The following OPCML variants were observed in gnomAD, a reference collection of about 807,000 sequenced individuals.
OPCML encodes opioid binding protein/cell adhesion molecule like.
OPCML carries 13 observed loss-of-function variants against 37.8 expected under a neutral mutation model. The observed-to-expected ratio is 0.34, with a 90% CI of 0.22 to 0.55. OPCML has a LOEUF of 0.55. Ranked by LOEUF, OPCML falls within the 20% of genes least tolerant of loss-of-function variation. The pLI is 0.91. For missense variants in OPCML, 341 were observed against 435.6 expected (o/e 0.78, Z 1.93); for synonymous variants, 176 against 168.8 (o/e 1.04, Z -0.33).
chr11:132,770,107 A>C (rs2136120566), intron 2 of OPCML, among the ~76,000 whole-genome samples: 1 of 152,308 alleles, frequency 6.6e-6, no homozygotes, highest in African/African-American at 2.4e-5. Context: ...AAAAAAAATA[A>C]GAATTTCAGC....
intron 4 of OPCML, among the ~76,000 whole-genome samples, chr11:132,503,662 A>G (rs1004220070): frequency 1.3e-5 from 2 of 152,210 alleles, no homozygotes; most frequent in African/African-American, 2.4e-5. Context: ...AGAAACTAGC[A>G]TTATAACTAG....
chr11:133,089,039 C>T (rs1380050267), intron 1 of OPCML, among the ~76,000 whole-genome samples: 1 of 152,156 alleles, frequency 6.6e-6, no homozygotes, highest in Non-Finnish European at 1.5e-5. Context: ...CCAAATGTAT[C>T]ACAATGTGAT....
intron 1 of OPCML, among the ~76,000 whole-genome samples, chr11:133,316,744 T>C (rs2136609855): frequency 6.6e-6 from 1 of 152,372 alleles, no homozygotes; most frequent in East Asian, 1.9e-4. Flanking sequence ...TATAAGTATC[T>C]GCATGCATGT....
chr11:133,458,796 T>TGTGTGTGTATATACACATAGATGCAC lies in OPCML; in HGVS notation c.61+73442_61+73467dup, dbSNP rs1248144112. 2.8e-3 allele frequency among the ~76,000 whole-genome samples: 415 copies of TGTGTGTGTATATACACATAGATGCAC among 146,362 alleles called. 1 individual carries two copies. Among genetic ancestry groups the TGTGTGTGTATATACACATAGATGCAC allele is most frequent in the Non-Finnish European group, 4.4e-3 (292 of 66,134 alleles). On this transcript the variant is annotated intron_variant, in intron 1 of 7. Coordinates refer to ENST00000524381, the MANE Select transcript of OPCML (RefSeq NM_001012393.5). Reference sequence around the variant, plus strand: ...GTGTGTATATACACATAGATGCACGTGTGTGTGTATATACACATAGATGCA... The same window carrying TGTGTGTGTATATACACATAGATGCAC: ...GTGTGTATATACACATAGATGCACGTGTGTGTGTATATACACATAGATGCACGTGTGTGTATATACACATAGATGCA...
In OPCML at chr11:132,893,511, G is replaced by A. The variant is rs146101835; in HGVS notation, c.146+49415C>T. On this transcript the variant is annotated intron_variant, in intron 2 of 7. Coordinates refer to ENST00000524381, the MANE Select transcript of OPCML (RefSeq NM_001012393.5). ...GTAGTTAGTTCCTCCATCTAGTCTA[G>A]AGGTGAGAAAAAAGTCTGTTCCACA... Among the ~76,000 whole-genome samples the A allele has an allele frequency of 1.4e-3, 215 of 152,266 alleles. 2 individuals are homozygous for A. Among genetic ancestry groups the A allele is most frequent in the African/African-American group, 4.7e-3 (196 of 41,546 alleles).
At chr11:132,431,169 A>C (rs900755015) in intron 7 of OPCML, among the ~76,000 whole-genome samples, 5 of 152,242 alleles carry the variant, frequency 3.3e-5, no homozygotes, top group African/African-American at 9.6e-5. Context: ...GCTACTGTGC[A>C]AAGATTGTCC....
At chr11:132,790,238 G>T (rs774306612) in intron 2 of OPCML, among the ~76,000 whole-genome samples, 1 of 152,128 alleles carries the variant, frequency 6.6e-6, no homozygotes, top group Non-Finnish European at 1.5e-5. Flanking sequence ...ATAGAGAGAG[G>T]CTGATTAATG....
intron 1 of OPCML, among the ~76,000 whole-genome samples, chr11:133,411,156 G>C (rs1411800715): frequency 6.6e-6 from 1 of 152,124 alleles, no homozygotes; most frequent in Non-Finnish European, 1.5e-5. Context: ...AGTTCACATG[G>C]AACCAATAGG....
chr11:133,499,838 A>G (rs180844686), intron 1 of OPCML, among the ~76,000 whole-genome samples: 7,136 of 136,558 alleles, frequency 0.052, 213 homozygotes, highest in South Asian at 0.11. Flanking sequence ...ATATATGTGT[A>G]TGTATATATA....
intron 7 of OPCML, among the ~76,000 whole-genome samples, chr11:132,434,489 C>T (rs2096006976): frequency 6.6e-6 from 1 of 152,054 alleles, no homozygotes; most frequent in Admixed American, 6.6e-5. Flanking sequence ...GGCAAATGCT[C>T]CAATACCTAA....
intron 2 of OPCML, among the ~76,000 whole-genome samples, chr11:132,806,120 A>C (rs544546382): frequency 6.6e-6 from 1 of 152,282 alleles, no homozygotes; most frequent in East Asian, 1.9e-4. Context: ...TATAGCTAAG[A>C]AGTTAATAGA....
At chr11:132,424,629 C>T (rs1472071077) in intron 7 of OPCML, among the ~76,000 whole-genome samples, 3 of 152,160 alleles carry the variant, frequency 2.0e-5, no homozygotes, top group African/African-American at 4.8e-5. Flanking sequence ...GAGTTGGACC[C>T]ATTTGGATTT....
chr11:133,148,190 C>T (rs1037536034), intron 1 of OPCML, among the ~76,000 whole-genome samples: 1 of 152,226 alleles, frequency 6.6e-6, no homozygotes, highest in Non-Finnish European at 1.5e-5. Flanking sequence ...ACTGAGAGCT[C>T]CCATTTCCTC....
chr11:133,115,172 G>A (rs567811962), intron 1 of OPCML, among the ~76,000 whole-genome samples: 2 of 152,282 alleles, frequency 1.3e-5, no homozygotes, highest in Admixed American at 6.5e-5. Context: ...GCTCTGAGCC[G>A]CTCAGCAAAG....
In OPCML at chr11:132,436,563, T is replaced by C. The variant is rs576464717; in HGVS notation, c.764+96A>G. ...GGGCATAGTATATTTCTGTTTTGCC[T>C]TATCTTTCCCCTTTTCTTCATCCTC... On this transcript the variant is annotated intron_variant, in intron 6 of 7. Coordinates refer to ENST00000524381, the MANE Select transcript of OPCML (RefSeq NM_001012393.5). 26 of 1,551,218 alleles carry C rather than the reference T, an allele frequency of 1.7e-5. No individual in the cohort carries two copies. The African/African-American group carries it at 3.2e-4, about 19-fold the overall frequency.
At chr11:133,033,059 C>G (rs1947703491) in intron 1 of OPCML, among the ~76,000 whole-genome samples, 3 of 152,042 alleles carry the variant, frequency 2.0e-5, no homozygotes, top group African/African-American at 7.2e-5. Flanking sequence ...TTATTTATGT[C>G]CATTTGTTCA....
At chr11:133,494,866 T>C (rs1261074913) in intron 1 of OPCML, among the ~76,000 whole-genome samples, 2 of 151,468 alleles carry the variant, frequency 1.3e-5, no homozygotes, top group East Asian at 3.8e-4. Context: ...AAACTTAAAG[T>C]ATAATAATAA....
rs374962737 is a variant in OPCML, at chr11:133,321,858, C to T, written c.61+210406G>A. 5.3e-5 allele frequency among the ~76,000 whole-genome samples: 8 copies of T among 152,142 alleles called. No individual in the cohort carries two copies. In the East Asian group the frequency reaches 9.7e-4, roughly 18 times the overall value. On this transcript the variant is annotated intron_variant, in intron 1 of 7. Coordinates refer to ENST00000524381, the MANE Select transcript of OPCML (RefSeq NM_001012393.5). ...TACCTGCGTGACTATTTCAAACATA[C>T]GAGTAGGCATGAGTGTTCATGATCA...
At chr11:132,670,300 A>G (rs1208735689) in intron 2 of OPCML, among the ~76,000 whole-genome samples, 1 of 152,154 alleles carries the variant, frequency 6.6e-6, no homozygotes, top group East Asian at 1.9e-4. Flanking sequence ...GGGAGCAAAG[A>G]CTTCGGCAGT....
Sources: allele counts gnomAD v4.1 joint callset (sites outside exome capture counted in the v4.1 genomes callset), GRCh38; gene constraint gnomAD v4.1.1; transcripts MANE v1.5; gene names NCBI Gene and HGNC (gene_info 2026-07-23, HGNC 2026-07-21).